The following ZC3H18 variants were observed in gnomAD, a reference collection of about 807,000 sequenced individuals.
ZC3H18 encodes zinc finger CCCH-type containing 18, also known as zinc finger CCCH domain-containing protein 18.
A neutral mutation model predicts 106.1 loss-of-function variants in ZC3H18; 8 were observed. That is an observed-to-expected ratio of 0.08 (90% CI 0.04 to 0.14). The LOEUF is 0.14. Among genes scored for constraint, ZC3H18 ranks in the 10% least tolerant of loss-of-function variants. The pLI, the probability that ZC3H18 is intolerant of heterozygous loss-of-function variation, is 1.00. For synonymous variants in ZC3H18, 635 were observed against 522.1 expected, an observed-to-expected ratio of 1.22 and a Z score of -2.95; for missense variants, 1,318 against 1,278.4, an observed-to-expected ratio of 1.03 and a Z score of -0.47.
Position 88,627,674 on chromosome 16 carries a change from A to G in ZC3H18, c.2161A>G (p.Ser721Gly), listed in dbSNP as rs760469672. ...AGTGTCCAGTGCTACGTCGAGCAGC[A>G]GCTCTGCACACAGCGTGGACTCGGA... Reference protein sequence around the residue: ...SSVSSATSSSSSAHSVDSEDM... With the variant: ...SSVSSATSSSGSAHSVDSEDM... Residue 721 changes from serine (S) to glycine (G), a missense_variant, in exon 14 of 18, where the codon AGC (serine) becomes GGC (glycine). Coordinates refer to ENST00000301011, the MANE Select transcript of ZC3H18 (RefSeq NM_144604.4). This position sits in a 1 kb window ranked among gnomAD's most constrained non-coding sequence, Gnocchi z 4.5. 1.8e-5 allele frequency: 29 copies of G among 1,613,010 alleles called. No homozygotes were observed. Among genetic ancestry groups the G allele is most frequent in the Non-Finnish European group, 2.2e-5 (26 of 1,179,252 alleles).
chr16:88,611,573 A>T (rs1038930911), intron 8 of ZC3H18, 37 bp downstream of exon 8: 41 of 1,542,508 alleles, frequency 2.7e-5, no homozygotes, highest in Admixed American at 9.9e-5. Context: ...GGTGTGGGGG[A>T]GGTCCGGCAT....
At chr16:88,576,946 G>A (rs1235546115) in intron 1 of ZC3H18, among the ~76,000 whole-genome samples, 164 bp from the exon 2 acceptor site, 1 of 152,190 alleles carries the variant, frequency 6.6e-6, no homozygotes, top group Non-Finnish European at 1.5e-5. Flanking sequence ...TTGTGGAGTG[G>A]AGTTATGGCC....
At position 88,590,685 on chromosome 16, in the gene ZC3H18, G is replaced by A. The variant is rs374569018; in HGVS notation, c.688+4001G>A. On this transcript the variant is annotated intron_variant, in intron 3 of 17. Transcript: ENST00000301011. ...AGCTATTCTTCTGTCTCAGACTCCC[G>A]AGTAGCTGCGATTACAGGCATCTGC... Among the ~76,000 whole-genome samples, 47 of 147,850 alleles carry A rather than the reference G, an allele frequency of 3.2e-4. No homozygotes were observed. In the South Asian group the frequency reaches 3.2e-3, roughly 10 times the overall value.
rs142369488 is a variant in ZC3H18 at position 88,575,816 on chromosome 16, C to T, written c.-14-1294C>T. Among the ~76,000 whole-genome samples, 16 of 151,958 alleles carry T rather than the reference C, an allele frequency of 1.1e-4. 1 individual carries two copies. The highest frequency in any genetic ancestry group is 5.8e-4 in the East Asian group (3 of 5,160). Reference sequence around the variant, plus strand: ...GCAGCCTCCACCTCCTGGGCTTAAGCGATCCTCCTGCGTCAGACTCCCAAG... The same window carrying T: ...GCAGCCTCCACCTCCTGGGCTTAAGTGATCCTCCTGCGTCAGACTCCCAAG... On this transcript the variant is annotated intron_variant, in intron 1 of 17. Transcript: ENST00000301011.
intron 2 of ZC3H18, among the ~76,000 whole-genome samples, chr16:88,582,219 C>T (rs139806246): frequency 4.9e-4 from 38 of 77,180 alleles, no homozygotes; most frequent in African/African-American, 6.7e-4. Context: ...TTTTTCTTTT[C>T]TTTTTTTTTT....
rs761788887 is a variant in ZC3H18 at position 88,577,552 on chromosome 16, G to A, written c.429G>A (p.Gln143=). 7 of 1,613,666 alleles carry A rather than the reference G, an allele frequency of 4.3e-6. No homozygotes were observed. The East Asian group carries it at 1.6e-4, about 36-fold the overall frequency. The change falls in exon 2 of 18, where the codon CAG becomes CAA. Residue 143 remains glutamine (Q), a synonymous_variant. Transcript: ENST00000301011. ...CTGAGGAGCCAGCTCCCGCCGTCCAGGAGGACGAGGCTGAGAAAGCGGGGG... is the reference window on the plus strand; with the variant it reads ...CTGAGGAGCCAGCTCCCGCCGTCCAAGAGGACGAGGCTGAGAAAGCGGGGG... ...EVPEEPAPAV[Q]EDEAEKAGAE... is the part of the protein sequence containing the mutation.
In ZC3H18 at chr16:88,577,409, C is replaced by G. The variant is rs755732568; in HGVS notation, c.286C>G (p.Pro96Ala). 9 of 1,601,146 alleles carry G rather than the reference C, an allele frequency of 5.6e-6. No homozygotes were observed. Among genetic ancestry groups the G allele is most frequent in the Non-Finnish European group, 7.7e-6 (9 of 1,172,338 alleles). The part of the protein sequence containing the change: ...NELSRGPTSS[P>A]CEEEGDEGEE... Reference sequence around the variant, plus strand: ...GCTGAGCCGGGGCCCGACCAGCTCCCCCTGCGAGGAGGAGGGGGACGAAGG... The same window carrying G: ...GCTGAGCCGGGGCCCGACCAGCTCCGCCTGCGAGGAGGAGGGGGACGAAGG... The change falls in exon 2 of 18, where the codon CCC (proline) becomes GCC (alanine). Residue 96 changes from proline to alanine, a missense_variant. By Grantham distance (27) the Pro-to-Ala change is conservative. Around this residue, in one of 6 missense-constraint regions of ZC3H18, gnomAD observed 346 missense variants for 269.0 expected, o/e 1.29. Coordinates refer to ENST00000301011, the MANE Select transcript of ZC3H18 (RefSeq NM_144604.4).
At chr16:88,595,846 G>C (rs771517796) in intron 3 of ZC3H18, among the ~76,000 whole-genome samples, 10 of 152,014 alleles carry the variant, frequency 6.6e-5, no homozygotes, top group Non-Finnish European at 1.0e-4. Flanking sequence ...AGTAATATGG[G>C]CTGGCAGAAG....
intron 1 of ZC3H18, among the ~76,000 whole-genome samples, chr16:88,570,773 G>T (rs1036541161): frequency 1.4e-4 from 21 of 152,070 alleles, no homozygotes; most frequent in Non-Finnish European, 2.1e-4. Context: ...TCCGTAAGCC[G>T]GCCCCGCGGT....
intron 2 of ZC3H18, among the ~76,000 whole-genome samples, chr16:88,584,174 C>T (rs1354272850): frequency 6.6e-6 from 1 of 152,078 alleles, no homozygotes; most frequent in African/African-American, 2.4e-5. Context: ...GTAATCCTAG[C>T]ACTTTGGGAG....
intron 13 of ZC3H18, chr16:88,626,122 C>T (rs1312436833): frequency 6.6e-6 from 1 of 152,112 alleles, no homozygotes; most frequent in Non-Finnish European, 1.5e-5. Context: ...CGCACGCAGC[C>T]TAATTTTGTA....
intron 8 of ZC3H18, among the ~76,000 whole-genome samples, chr16:88,618,186 C>CTTT (rs538070999): frequency 7.0e-6 from 1 of 143,748 alleles, no homozygotes; most frequent in Admixed American, 6.9e-5. Flanking sequence ...TTGGACTCCA[C>CTTT]TTTTTTTTTT....
intron 6 of ZC3H18, among the ~76,000 whole-genome samples, chr16:88,605,313 C>T (rs1353313196): frequency 3.3e-5 from 5 of 152,256 alleles, no homozygotes; most frequent in South Asian, 4.1e-4. Context: ...TGCCTGTGGC[C>T]TCTGCATGCC....
At chr16:88,604,613 G>A (rs1348189694) in intron 6 of ZC3H18, among the ~76,000 whole-genome samples, 2 of 150,634 alleles carry the variant, frequency 1.3e-5, no homozygotes, top group African/African-American at 2.4e-5. Context: ...GTGAACCCAG[G>A]AGGCGGAGCT....
At chr16:88,610,471 T>TG (rs1428158794) in intron 7 of ZC3H18, among the ~76,000 whole-genome samples, 2 of 152,170 alleles carry the variant, frequency 1.3e-5, no homozygotes, top group Non-Finnish European at 2.9e-5. Context: ...TGCTTACCCC[T>TG]GGGCAGGGTA....
intron 7 of ZC3H18, 59 bp downstream of exon 7, chr16:88,609,110 CTTTT>C: frequency 7.1e-7 from 1 of 1,406,614 alleles, no homozygotes; most frequent in Non-Finnish European, 9.9e-7. Context: ...CAAGTTATCC[CTTTT>C]TATTTACAGT....
chr16:88,604,868 TAAA>T (rs1274982625), intron 6 of ZC3H18, among the ~76,000 whole-genome samples: 142 of 152,024 alleles, frequency 9.3e-4, no homozygotes, highest in African/African-American at 3.4e-3. Flanking sequence ...AGTTTCTGAT[TAAA>T]TCAGAGTCAG....
chr16:88,580,773 CCCTTT>C (rs1915079413), intron 2 of ZC3H18, among the ~76,000 whole-genome samples: 1 of 152,190 alleles, frequency 6.6e-6, no homozygotes, highest in African/African-American at 2.4e-5. Context: ...TCGCCCGGTC[CCCTTT>C]CCTTTCAGTC....
At chr16:88,591,984 C>T (rs1915782738) in intron 3 of ZC3H18, among the ~76,000 whole-genome samples, 1 of 152,192 alleles carries the variant, frequency 6.6e-6, no homozygotes, top group Non-Finnish European at 1.5e-5. Context: ...GAACCGCTGG[C>T]AGCGGAGTTG....
Sources: allele counts gnomAD v4.1 joint callset (sites outside exome capture counted in the v4.1 genomes callset), GRCh38; gene constraint gnomAD v4.1.1; regional missense constraint gnomAD v4.1.1; non-coding constraint Gnocchi (gnomAD v3.1); transcripts MANE v1.5; gene names NCBI Gene and HGNC (gene_info 2026-07-23, HGNC 2026-07-21).